The following CSNK1G1 variants were observed in gnomAD, a reference collection of about 807,000 sequenced individuals.
CSNK1G1 encodes the protein casein kinase 1 gamma 1, also known as casein kinase I isoform gamma-1.
CSNK1G1 carries 22 observed loss-of-function variants against 59.6 expected under a neutral mutation model. That is an observed-to-expected ratio of 0.37 (90% CI 0.26 to 0.53). The LOEUF (loss-of-function observed/expected upper bound fraction) is 0.53, where lower values mean the gene tolerates loss of function less well. CSNK1G1 is among the 20% of genes least tolerant of loss of function. The pLI is 0.89. For synonymous variants in CSNK1G1, 179 were observed against 177.1 expected, an observed-to-expected ratio of 1.01 and a Z score of -0.08; for missense variants, 384 against 519.5, an observed-to-expected ratio of 0.74 and a Z score of 2.54.
At chr15:64,296,137 T>C (rs1219334983) in intron 2 of CSNK1G1, among the ~76,000 whole-genome samples, 2 of 152,188 alleles carry the variant, frequency 1.3e-5, no homozygotes, top group Non-Finnish European at 2.9e-5. Flanking sequence ...TTTTGTTTGT[T>C]TGAGACACGG....
chr15:64,336,868 CAT>C (rs779835411), intron 1 of CSNK1G1, among the ~76,000 whole-genome samples: 57 of 152,102 alleles, frequency 3.7e-4, no homozygotes, highest in African/African-American at 6.8e-4. Context: ...TAAATATTCA[CAT>C]ATGTCTTTTT....
intron 10 of CSNK1G1, among the ~76,000 whole-genome samples, chr15:64,199,815 T>C (rs1206906579): frequency 6.6e-6 from 1 of 151,350 alleles, no homozygotes; most frequent in African/African-American, 2.4e-5. Flanking sequence ...ATCGCGCCAC[T>C]GCACACCACC....
rs1331812880 is a variant in CSNK1G1 at position 64,188,276 on chromosome 15, T to C, written c.1108-7822A>G. ...AGAGATATTCAATTAGCCCTTCCTG[T>C]AAGCTTCCTTTCTAAGGCTGCCGAA... On this transcript the variant is annotated intron_variant, in intron 10 of 11. Coordinates refer to ENST00000303052, the MANE Select transcript of CSNK1G1 (RefSeq NM_022048.5). This position sits in a 1 kb window ranked among gnomAD's most constrained non-coding sequence, Gnocchi z 4.2. The C allele has an allele frequency of 2.5e-6, 2 of 810,786 alleles. No individual in the cohort carries two copies. Among genetic ancestry groups the C allele is most frequent in the Non-Finnish European group, 1.9e-6 (1 of 526,716 alleles). 50.2% of individuals were successfully genotyped at this position (810,786 alleles called of 1,614,324 possible).
chr15:64,282,316 G>C (rs1017870787), intron 2 of CSNK1G1, among the ~76,000 whole-genome samples: 25 of 151,876 alleles, frequency 1.6e-4, no homozygotes, highest in African/African-American at 5.8e-4. Context: ...GCCCAGGCTG[G>C]AGTACAGTGG....
intron 1 of CSNK1G1, among the ~76,000 whole-genome samples, chr15:64,312,235 C>T (rs1566943527): frequency 6.6e-6 from 1 of 152,126 alleles, no homozygotes; most frequent in Non-Finnish European, 1.5e-5. Flanking sequence ...ACTTCCTTCA[C>T]AGAATTGGAA....
chr15:64,338,700 CAAAAAAAA>C (rs34206192), intron 1 of CSNK1G1, among the ~76,000 whole-genome samples: 2 of 31,530 alleles, frequency 6.3e-5, no homozygotes, highest in African/African-American at 3.7e-4. Flanking sequence ...AACTCGGTCT[CAAAAAAAA>C]AAAAAAAAAA....
intron 4 of CSNK1G1, among the ~76,000 whole-genome samples, chr15:64,218,480 C>T (rs1177007412): frequency 6.6e-6 from 1 of 151,970 alleles, no homozygotes; most frequent in East Asian, 1.9e-4. Flanking sequence ...GTAACCTCCG[C>T]CTCCTGGGTT....
intron 10 of CSNK1G1, among the ~76,000 whole-genome samples, chr15:64,185,773 A>G (rs1036733300): frequency 5.3e-5 from 8 of 151,852 alleles, no homozygotes; most frequent in Middle Eastern, 3.2e-3. Flanking sequence ...CTGACAGGAG[A>G]ATCGCTTGAA....
intron 1 of CSNK1G1, among the ~76,000 whole-genome samples, chr15:64,337,839 T>C (rs1419968928): frequency 6.6e-6 from 1 of 152,200 alleles, no homozygotes; most frequent in African/African-American, 2.4e-5. Context: ...TGATAACCTC[T>C]ATTCTACTTT....
chr15:64,219,447 A>G (rs902030994), intron 4 of CSNK1G1, among the ~76,000 whole-genome samples: 3 of 152,090 alleles, frequency 2.0e-5, no homozygotes, highest in Non-Finnish European at 4.4e-5. Flanking sequence ...TGCATGCCCA[A>G]TATCCATTCT....
chr15:64,312,755 G>A (rs1005890262), intron 1 of CSNK1G1, among the ~76,000 whole-genome samples: 3 of 152,190 alleles, frequency 2.0e-5, no homozygotes, highest in African/African-American at 7.2e-5. Flanking sequence ...ATTGACAAAT[G>A]GGATCTAATT....
chr15:64,207,468 G>T, intron 7 of CSNK1G1, 41 bp downstream of exon 7: 1 of 1,405,196 alleles, frequency 7.1e-7, no homozygotes, highest in East Asian at 2.3e-5. Context: ...TAACAACTGA[G>T]CATTGAAACA....
intron 1 of CSNK1G1, among the ~76,000 whole-genome samples, chr15:64,324,138 T>C (rs1896713721): frequency 6.6e-6 from 1 of 152,222 alleles, no homozygotes; most frequent in African/African-American, 2.4e-5. Context: ...CAAAAGCCCC[T>C]GACTTACACT....
rs1290180452 is a variant in CSNK1G1, at chr15:64,168,968, A to G, written c.*2963T>C. On this transcript the variant is annotated 3_prime_UTR_variant, in exon 12 of 12. Coordinates refer to ENST00000303052, the MANE Select transcript of CSNK1G1 (RefSeq NM_022048.5). ...TTCTTTACCCTTGTTATAAAAACCA[A>G]ATATCTAGTAAGAGATTTGTGAGGT... The G allele has an allele frequency of 6.6e-6, 1 of 152,662 alleles. No individual in the cohort carries two copies. Among genetic ancestry groups the G allele is most frequent in the African/African-American group, 2.4e-5 (1 of 41,448 alleles). The allele number at this position is 152,662 out of a possible 1,614,324, so 9.5% of individuals were successfully genotyped here.
intron 2 of CSNK1G1, among the ~76,000 whole-genome samples, chr15:64,269,567 C>T (rs1295112421): frequency 1.3e-5 from 2 of 149,222 alleles, no homozygotes; most frequent in Admixed American, 6.8e-5. Context: ...GATCTCAGCT[C>T]ACTGCAACCT....
chr15:64,171,764 G>A lies in CSNK1G1; in HGVS notation c.*167C>T, dbSNP rs1567353499. On this transcript the variant is annotated 3_prime_UTR_variant, in exon 12 of 12. Transcript: ENST00000303052. The surrounding 1 kb of genome is among the most constrained non-coding windows in gnomAD (Gnocchi z 4.8). ...GCGGAGATGGCCAATGACCCACTAG[G>A]CCCTGGCTGCCCGCACTGGCCCCTT... is the stretch of plus-strand genomic sequence containing the variant. The A allele has an allele frequency of 1.5e-6, 1 of 658,444 alleles. No individual in the cohort carries two copies. Among genetic ancestry groups the A allele is most frequent in the East Asian group, 2.6e-5 (1 of 38,738 alleles). The allele number at this position is 658,444 out of a possible 1,614,324, so 40.8% of individuals were successfully genotyped here.
intron 4 of CSNK1G1, among the ~76,000 whole-genome samples, chr15:64,229,330 TG>T (rs1446809950): frequency 2.6e-5 from 4 of 152,290 alleles, no homozygotes; most frequent in African/African-American, 9.6e-5. Context: ...TTACTTCATG[TG>T]GTTAAAGTGG....
At chr15:64,338,257 CT>C (rs942729920) in intron 1 of CSNK1G1, among the ~76,000 whole-genome samples, 2 of 152,104 alleles carry the variant, frequency 1.3e-5, no homozygotes. Context: ...ATCCTCACTA[CT>C]TTTTTACTTT....
intron 10 of CSNK1G1, among the ~76,000 whole-genome samples, chr15:64,201,403 T>C (rs1470545326): frequency 1.3e-5 from 2 of 152,144 alleles, no homozygotes; most frequent in African/African-American, 4.8e-5. Flanking sequence ...GCTATTAGCT[T>C]TTAAAAAGGG....
Sources: gnomAD v4.1 joint callset for allele counts (sites outside exome capture counted in the v4.1 genomes callset) on GRCh38, gnomAD v4.1.1 for gene constraint, Gnocchi (gnomAD v3.1) non-coding constraint, MANE v1.5 for transcripts, NCBI Gene and HGNC (gene_info 2026-07-23, HGNC 2026-07-21) for gene names.